DNAH7: variants seen among roughly 807,000 people sequenced by gnomAD.
The protein encoded by DNAH7 is axonemal beta dynein heavy chain 7.
Under a neutral mutation model 444.6 loss-of-function variants are expected in DNAH7, and 397 were observed. The ratio of observed to expected loss-of-function variants is 0.89; its 90% CI spans 0.82 to 0.97. DNAH7 has a LOEUF of 0.97. DNAH7 is among the 50% of genes least tolerant of loss of function. The probability of loss-of-function intolerance (pLI) is 0.00; values close to 1 mark genes in which losing one functional copy is unlikely to be tolerated. For missense variants in DNAH7, 4,902 were observed against 4,800.8 expected (o/e 1.02, Z -0.62); for synonymous variants, 1,636 against 1,624.4 (o/e 1.01, Z -0.17).
At chr2:195,859,880 C>T (rs539190567) in intron 42 of DNAH7, among the ~76,000 whole-genome samples, 34 of 152,246 alleles carry the variant, frequency 2.2e-4, no homozygotes, top group African/African-American at 7.0e-4. Flanking sequence ...TCCCAAGTGA[C>T]GCTTTGCTAG....
chr2:195,848,860 G>T (rs935793337), intron 46 of DNAH7, among the ~76,000 whole-genome samples: 1 of 152,164 alleles, frequency 6.6e-6, no homozygotes, highest in Non-Finnish European at 1.5e-5. Flanking sequence ...AAAGAAAATG[G>T]TTGGGGTGAG....
chr2:195,851,414 A>G (rs1249344793), intron 46 of DNAH7, among the ~76,000 whole-genome samples: 1 of 152,194 alleles, frequency 6.6e-6, no homozygotes, highest in Non-Finnish European at 1.5e-5. Flanking sequence ...TGAAGTGACT[A>G]CTTGAATCAA....
At chr2:195,903,270 C>G (rs1686817146) in intron 27 of DNAH7, 1 of 151,938 alleles carries the variant, frequency 6.6e-6, no homozygotes. Context: ...AACTTTTTAC[C>G]ATTTACTTTT....
chr2:195,958,312 T>C (rs1690837780), intron 18 of DNAH7, among the ~76,000 whole-genome samples: 1 of 152,160 alleles, frequency 6.6e-6, no homozygotes, highest in Admixed American at 6.5e-5. Context: ...GAATAGTAAA[T>C]ATATTTTTCT....
rs760463326 is a variant in DNAH7, at chr2:195,895,071, C to T, written c.4801G>A (p.Val1601Met). The change falls in exon 30 of 65, where the codon GTG (valine) becomes ATG (methionine). Residue 1601 changes from valine to methionine, a missense_variant. By Grantham distance (21) the Val-to-Met change is conservative. Transcript: ENST00000312428. ...CCAACAATCATAAAACCATGACGCACAATCATCATTTCATATACTTGAAGA... is the reference window on the plus strand; with the variant it reads ...CCAACAATCATAAAACCATGACGCATAATCATCATTTCATATACTTGAAGA... Reference protein sequence around the residue: ...KILQVYEMMIVRHGFMIVGEP... With the variant: ...KILQVYEMMIMRHGFMIVGEP... 8 of 1,613,488 alleles carry T rather than the reference C, an allele frequency of 5.0e-6. No individual in the cohort carries two copies. Among genetic ancestry groups the T allele is most frequent in the Non-Finnish European group, 6.8e-6 (8 of 1,179,638 alleles).
intron 5 of DNAH7, among the ~76,000 whole-genome samples, chr2:196,032,211 T>C (rs1418764805): frequency 6.6e-6 from 1 of 152,162 alleles, no homozygotes; most frequent in Non-Finnish European, 1.5e-5. Context: ...CTCATTACCA[T>C]GAGAACAGTA....
chr2:195,831,369 C>T (rs914881441), intron 48 of DNAH7, among the ~76,000 whole-genome samples: 19 of 152,292 alleles, frequency 1.2e-4, no homozygotes, highest in Admixed American at 1.1e-3. Context: ...AGGCAGGTAG[C>T]TGAAGCAGGC....
At chr2:196,031,821 TC>T (rs1267177385) in intron 5 of DNAH7, among the ~76,000 whole-genome samples, 1 of 152,218 alleles carries the variant, frequency 6.6e-6, no homozygotes, top group Non-Finnish European at 1.5e-5. Context: ...TCAAAGCCAT[TC>T]AACAAGTCTC....
Position 195,768,073 on chromosome 2 carries a change from G to T in DNAH7, c.11433+3587C>A, listed in dbSNP as rs1052187940. Among the ~76,000 whole-genome samples the T allele has an allele frequency of 4.0e-5, 6 of 150,774 alleles. 1 individual carries two copies. Among genetic ancestry groups the T allele is most frequent in the African/African-American group, 1.5e-4 (6 of 41,206 alleles). ...ATTGTAAAAGAATATTCTTGTTTTT[G>T]GAAAGTACACCTTAAAAGTATTAAG... On this transcript the variant is annotated intron_variant, in intron 61 of 64. Transcript: ENST00000312428.
Position 195,858,522 on chromosome 2 carries a change from C to T in DNAH7, c.8019G>A (p.Leu2673=). Residue 2673 remains leucine (L), a synonymous_variant, in exon 43 of 65, where the codon TTG becomes TTA. Coordinates refer to ENST00000312428, the MANE Select transcript of DNAH7 (RefSeq NM_018897.3). The part of the protein sequence containing the change: ...DECDADLAGA[L]PILESALAAL... ...CGGCCAGTGCTGACTCTAATATTGGCAAGGCACCTGCCAGGTCAGCATCGC... is the reference window on the plus strand; with the variant it reads ...CGGCCAGTGCTGACTCTAATATTGGTAAGGCACCTGCCAGGTCAGCATCGC... 3 of 1,613,142 alleles carry T rather than the reference C, an allele frequency of 1.9e-6. No individual in the cohort carries two copies. Among genetic ancestry groups the T allele is most frequent in the Non-Finnish European group, 2.5e-6 (3 of 1,179,660 alleles).
chr2:196,003,009 A>C (rs1460715659), intron 10 of DNAH7, among the ~76,000 whole-genome samples: 1 of 151,920 alleles, frequency 6.6e-6, no homozygotes, highest in Non-Finnish European at 1.5e-5. Context: ...ACTCCGTCTC[A>C]AAAAGAAAAA....
chr2:195,990,421 G>A lies in DNAH7; in HGVS notation c.1354-2192C>T, dbSNP rs1245936194. 2.6e-5 allele frequency among the ~76,000 whole-genome samples: 4 copies of A among 152,132 alleles called. No individual in the cohort carries two copies. The South Asian group carries it at 6.2e-4, about 24-fold the overall frequency. ...CTCACACCTGTAATCCCAGCACTTC[G>A]GGAGGCCAAGGCAGGCAGATCACTT... On this transcript the variant is annotated intron_variant, in intron 12 of 64. Transcript: ENST00000312428.
intron 61 of DNAH7, among the ~76,000 whole-genome samples, chr2:195,768,326 T>C (rs1694682588): frequency 6.6e-6 from 1 of 151,086 alleles, no homozygotes; most frequent in Non-Finnish European, 1.5e-5. Flanking sequence ...AAATCACAAA[T>C]TGAGTCAAAC....
At chr2:195,985,405 C>G (rs571403911) in intron 14 of DNAH7, among the ~76,000 whole-genome samples, 1 of 152,090 alleles carries the variant, frequency 6.6e-6, no homozygotes, top group African/African-American at 2.4e-5. Context: ...AGGAGAGGTT[C>G]AAAATAAGGA....
At chr2:195,927,838 A>AT (rs1354471955) in intron 21 of DNAH7, among the ~76,000 whole-genome samples, 1 of 152,100 alleles carries the variant, frequency 6.6e-6, no homozygotes, top group East Asian at 1.9e-4. Context: ...CATATCTCCT[A>AT]TTTGTAGAAC....
intron 63 of DNAH7, among the ~76,000 whole-genome samples, chr2:195,744,952 C>T (rs1001962943): frequency 1.3e-5 from 2 of 152,214 alleles, no homozygotes; most frequent in East Asian, 1.9e-4. Flanking sequence ...GAGCGCCTCT[C>T]CTCCTCCAAA....
Position 195,906,920 on chromosome 2 carries a change from A to T in DNAH7, c.4194T>A (p.Leu1398=). ...EVLSVVAQQI[L]TIQRGINAGA... ...CTAGTCCATTACCTCTTTGGATAGT[A>T]AGGATTTGTTGAGCAACCACAGAGA... is the stretch of plus-strand genomic sequence containing the variant. The change falls in exon 26 of 65, where the codon CTT becomes CTA. Residue 1398 remains leucine (L), a synonymous_variant. Coordinates refer to ENST00000312428, the MANE Select transcript of DNAH7 (RefSeq NM_018897.3). The T allele has an allele frequency of 6.2e-7, 1 of 1,612,968 alleles. No individual in the cohort carries two copies. Among genetic ancestry groups the T allele is most frequent in the South Asian group, 1.1e-5 (1 of 91,010 alleles).
At chr2:195,876,463 C>G in intron 37 of DNAH7, 81 bp downstream of exon 37, 1 of 1,344,370 alleles carries the variant, frequency 7.4e-7, no homozygotes. Flanking sequence ...AAAGATGTCT[C>G]TCCCCAGGAT....
intron 47 of DNAH7, chr2:195,834,571 C>T (rs1009485913): frequency 2.6e-5 from 11 of 426,672 alleles, no homozygotes; most frequent in African/African-American, 3.9e-5. Context: ...CTGCAAAGTT[C>T]GCACAAGTTA....
Sources: allele counts gnomAD v4.1 joint callset (sites outside exome capture counted in the v4.1 genomes callset), GRCh38; gene constraint gnomAD v4.1.1; transcripts MANE v1.5; gene names NCBI Gene and HGNC (gene_info 2026-07-23, HGNC 2026-07-21).